The following VPS54 variants were observed in gnomAD, a reference collection of about 807,000 sequenced individuals.
The protein encoded by VPS54 is VPS54 subunit of GARP complex, also known as vacuolar protein sorting-associated protein 54.
VPS54 carries 45 observed loss-of-function variants against 121.5 expected under a neutral mutation model. The ratio of observed to expected loss-of-function variants is 0.37; its 90% CI spans 0.29 to 0.47. VPS54 has a LOEUF of 0.47. Ranked by LOEUF, VPS54 falls within the 20% of genes least tolerant of loss-of-function variation. VPS54 has a pLI of 0.99. For missense variants in VPS54, 1,090 were observed against 1,131.4 expected (o/e 0.96, Z 0.52); for synonymous variants, 371 against 385.8 (o/e 0.96, Z 0.45).
At chr2:63,981,318 T>C (rs904272855) in intron 3 of VPS54, among the ~76,000 whole-genome samples, 11 of 152,104 alleles carry the variant, frequency 7.2e-5, no homozygotes, top group African/African-American at 2.7e-4. Flanking sequence ...GAAACAGTAA[T>C]ATTCTGCCAA....
At position 63,892,683 on chromosome 2, in the gene VPS54, A is replaced by T. The variant is rs536451583; in HGVS notation, c.*747T>A. The T allele has an allele frequency of 6.6e-6, 1 of 152,598 alleles. No homozygotes were observed. The highest frequency in any genetic ancestry group is 1.5e-5 in the Non-Finnish European group (1 of 68,042). 9.5% of individuals were successfully genotyped at this position (152,598 alleles called of 1,614,324 possible). A position where few individuals can be genotyped will look rare whatever the true frequency, so the allele number is the denominator to read the frequency against. ...CAGATATTAAACTGTAGCCTTTTAT[A>T]TACCATTTCTGAAAAGTATTTAGTT... On this transcript the variant is annotated 3_prime_UTR_variant, in exon 23 of 23. Coordinates refer to ENST00000272322, the MANE Select transcript of VPS54 (RefSeq NM_016516.3).
At chr2:63,920,408 G>A (rs1228264973) in intron 14 of VPS54, 38 bp downstream of exon 14, 3 of 1,417,024 alleles carry the variant, frequency 2.1e-6, no homozygotes, top group East Asian at 2.7e-5. Flanking sequence ...AAAGAAAAAT[G>A]AAAAAATCAA....
At chr2:63,979,770 A>G (rs1453655406) in intron 3 of VPS54, among the ~76,000 whole-genome samples, 3 of 152,130 alleles carry the variant, frequency 2.0e-5, no homozygotes, top group Non-Finnish European at 4.4e-5. Flanking sequence ...TGGTTTCCAA[A>G]TATCTGTGGA....
chr2:63,985,360 G>A (rs1325851787), intron 1 of VPS54, among the ~76,000 whole-genome samples: 3 of 151,998 alleles, frequency 2.0e-5, no homozygotes, highest in African/African-American at 7.3e-5. Context: ...GCAGAGATAT[G>A]AGGCAAGAAC....
rs1672309727 is a variant in VPS54 at position 63,893,406 on chromosome 2, ACTACC to A, written c.*19_*23del. On this transcript the variant is annotated 3_prime_UTR_variant, in exon 23 of 23. Transcript: ENST00000272322. ...ACAAACACATCCCATGGTCAGATGA[ACTACC>A]CAGTTTTCCAGGATGACATCACCTC... The A allele has an allele frequency of 6.3e-7, 1 of 1,587,470 alleles. No individual in the cohort carries two copies. Among genetic ancestry groups the A allele is most frequent in the East Asian group, 2.2e-5 (1 of 44,744 alleles).
chr2:63,934,711 C>T (rs192019705), intron 11 of VPS54, among the ~76,000 whole-genome samples: 4 of 152,212 alleles, frequency 2.6e-5, no homozygotes, highest in African/African-American at 9.6e-5. Flanking sequence ...TCATTATGTA[C>T]AATTATCTTT....
chr2:63,989,635 C>T (rs1187458690), intron 1 of VPS54, among the ~76,000 whole-genome samples: 20 of 152,152 alleles, frequency 1.3e-4, no homozygotes, highest in East Asian at 3.8e-4. Context: ...GTCATCGGTT[C>T]GGTCCACAGA....
intron 7 of VPS54, among the ~76,000 whole-genome samples, chr2:63,958,326 AAAG>A (rs1195831767): frequency 2.0e-5 from 3 of 152,216 alleles, no homozygotes; most frequent in South Asian, 2.1e-4. Context: ...GAATGAGAAA[AAAG>A]AAGACACACG....
chr2:63,993,184 A>G (rs1340017152), intron 1 of VPS54, among the ~76,000 whole-genome samples: 2 of 152,198 alleles, frequency 1.3e-5, no homozygotes, highest in South Asian at 2.1e-4. Flanking sequence ...TTCAACCTCA[A>G]AAAGTTCAAA....
At chr2:64,002,315 A>G (rs978785502) in intron 1 of VPS54, among the ~76,000 whole-genome samples, 22 of 152,122 alleles carry the variant, frequency 1.4e-4, no homozygotes, top group Admixed American at 2.6e-4. Context: ...GTGAGTGCTC[A>G]CCTGATTTTT....
intron 20 of VPS54, among the ~76,000 whole-genome samples, chr2:63,903,010 T>TAACATAACAC (rs1553470004): frequency 6.5e-5 from 9 of 138,376 alleles, no homozygotes; most frequent in African/African-American, 1.8e-4. Context: ...TAACACAACA[T>TAACATAACAC]AACATAACAA....
At chr2:63,925,139 C>G (rs1343013061) in intron 12 of VPS54, among the ~76,000 whole-genome samples, 3 of 152,172 alleles carry the variant, frequency 2.0e-5, no homozygotes, top group Non-Finnish European at 4.4e-5. Flanking sequence ...GAGAAGATAT[C>G]TGCAATATGG....
intron 12 of VPS54, among the ~76,000 whole-genome samples, chr2:63,925,048 A>G (rs899689456): frequency 9.9e-5 from 15 of 152,254 alleles, no homozygotes; most frequent in African/African-American, 3.4e-4. Context: ...CATAAAGGAA[A>G]GTAATGAATC....
intron 18 of VPS54, among the ~76,000 whole-genome samples, 180 bp downstream of exon 18, chr2:63,913,043 T>C (rs142090913): frequency 2.6e-3 from 394 of 152,270 alleles, no homozygotes; most frequent in African/African-American, 9.0e-3. Context: ...CATCGTAACC[T>C]TTTCCCCATG....
chr2:63,916,752 A>C, intron 16 of VPS54, 148 bp downstream of exon 16: 1 of 703,360 alleles, frequency 1.4e-6, no homozygotes. Context: ...AGTTTCCTTT[A>C]AGTTCTTTGC....
chr2:63,982,821 T>C (rs1032791534), intron 2 of VPS54, among the ~76,000 whole-genome samples: 2 of 152,210 alleles, frequency 1.3e-5, no homozygotes, highest in East Asian at 1.9e-4. Flanking sequence ...TAGTTTATAG[T>C]ATGAGAGCTG....
intron 10 of VPS54, 83 bp downstream of exon 10, chr2:63,944,517 C>G (rs918762522): frequency 4.2e-5 from 57 of 1,350,760 alleles, no homozygotes; most frequent in Non-Finnish European, 5.6e-5. Flanking sequence ...AATTCCTTAA[C>G]GAAATCTACT....
Position 64,002,360 on chromosome 2 carries a change from T to C in VPS54, c.-21+16578A>G, listed in dbSNP as rs1677923122. Among the ~76,000 whole-genome samples, 3 of 152,234 alleles carry C rather than the reference T, an allele frequency of 2.0e-5. No homozygotes were observed. The South Asian group carries it at 6.2e-4, about 32-fold the overall frequency. On this transcript the variant is annotated intron_variant, in intron 1 of 22. Transcript: ENST00000272322. ...GAAAGTGCTTTTGGTGTGTAGTTGT[T>C]AAATTTGGTGTTCCTATGGAGGGGG...
intron 1 of VPS54, among the ~76,000 whole-genome samples, chr2:64,018,206 A>G (rs1678799498): frequency 6.6e-6 from 1 of 152,226 alleles, no homozygotes; most frequent in Non-Finnish European, 1.5e-5. Context: ...AATTCTTCGA[A>G]AGAGCCTCAA....
Sources: allele counts gnomAD v4.1 joint callset (sites outside exome capture counted in the v4.1 genomes callset), GRCh38; gene constraint gnomAD v4.1.1; transcripts MANE v1.5; gene names NCBI Gene and HGNC (gene_info 2026-07-23, HGNC 2026-07-21).